MYCBP2: variants seen among roughly 807,000 people sequenced by gnomAD.
MYCBP2 encodes E3 ubiquitin-protein ligase MYCBP2.
Under a neutral mutation model 525.3 loss-of-function variants are expected in MYCBP2, and 120 were observed. That is an observed-to-expected ratio of 0.23 (90% CI 0.20 to 0.27). MYCBP2 has a LOEUF of 0.27. MYCBP2 is among the 10% of genes least tolerant of loss of function. MYCBP2 has a pLI of 1.00. For missense variants in MYCBP2, 4,149 were observed against 5,657.1 expected, an observed-to-expected ratio of 0.73 and a Z score of 8.55; for synonymous variants, 1,894 against 1,955.8, an observed-to-expected ratio of 0.97 and a Z score of 0.83.
chr13:77,130,103 A>G (rs2052483977), intron 52 of MYCBP2, among the ~76,000 whole-genome samples: 1 of 151,774 alleles, frequency 6.6e-6, no homozygotes, highest in Non-Finnish European at 1.5e-5. Context: ...ATCAATCTAT[A>G]TTTATCTGAT....
chr13:77,194,816 A>T (rs900352951), intron 26 of MYCBP2, among the ~76,000 whole-genome samples: 1 of 152,180 alleles, frequency 6.6e-6, no homozygotes, highest in African/African-American at 2.4e-5. Context: ...GCAACATAAG[A>T]ATCCTTAAAA....
rs571879558 is a variant in MYCBP2 at position 77,222,709 on chromosome 13, AT to A, written c.2939+1741del. ...GCTGGATGTAGAATCCACATATGAT[AT>A]TTTTTCAAATTCCCTAAGTAATTCT... On this transcript the variant is annotated intron_variant, in intron 20 of 82. Coordinates refer to ENST00000544440, the MANE Select transcript of MYCBP2 (RefSeq NM_015057.5). 8.2e-3 allele frequency among the ~76,000 whole-genome samples: 1,252 copies of A among 152,180 alleles called. 21 individuals are homozygous for A. Among genetic ancestry groups the A allele is most frequent in the African/African-American group, 0.029 (1,197 of 41,490 alleles).
At chr13:77,067,023 T>C (rs2040324731) in intron 71 of MYCBP2, among the ~76,000 whole-genome samples, 1 of 152,186 alleles carries the variant, frequency 6.6e-6, no homozygotes, top group African/African-American at 2.4e-5. Flanking sequence ...TTCTAAGTTA[T>C]TTCCCTATAT....
At chr13:77,312,650 A>T (rs1354891331) in intron 1 of MYCBP2, among the ~76,000 whole-genome samples, 1 of 152,054 alleles carries the variant, frequency 6.6e-6, no homozygotes, top group East Asian at 1.9e-4. Context: ...ATAATCCCAA[A>T]ATATAATCCC....
At chr13:77,076,346 C>T (rs923550326) in intron 68 of MYCBP2, 10 of 155,794 alleles carry the variant, frequency 6.4e-5, no homozygotes, top group African/African-American at 1.9e-4. Flanking sequence ...TGAACTCCAG[C>T]AGAGAGAAAA....
At chr13:77,099,268 T>C (rs758586139) in intron 55 of MYCBP2, 2 of 472,202 alleles carry the variant, frequency 4.2e-6, no homozygotes, top group African/African-American at 2.0e-5. Context: ...CAGTGTGAAC[T>C]ATCAGTGATA....
chr13:77,162,148 T>TA (rs1276732472), intron 43 of MYCBP2, among the ~76,000 whole-genome samples, 193 bp from the exon 44 acceptor site: 23 of 152,220 alleles, frequency 1.5e-4, no homozygotes, highest in Non-Finnish European at 3.2e-4. Flanking sequence ...GGGAATATAC[T>TA]ACAATTCTCA....
At chr13:77,192,163 T>C (rs1484123538) in intron 27 of MYCBP2, among the ~76,000 whole-genome samples, 2 of 152,248 alleles carry the variant, frequency 1.3e-5, no homozygotes, top group African/African-American at 4.8e-5. Context: ...AGCTCATTCA[T>C]TCAGCTAAAT....
chr13:77,190,196 A>T, intron 29 of MYCBP2, 56 bp downstream of exon 29: 1 of 1,149,974 alleles, frequency 8.7e-7, no homozygotes, highest in Non-Finnish European at 1.3e-6. Context: ...TAATGATTCT[A>T]CTTCATTATA....
chr13:77,235,427 T>A (rs776549045), intron 17 of MYCBP2, among the ~76,000 whole-genome samples: 1 of 152,098 alleles, frequency 6.6e-6, no homozygotes, highest in African/African-American at 2.4e-5. Flanking sequence ...TTAAACAATA[T>A]TGTATAGTCA....
At chr13:77,057,394 C>G (rs964046068) in intron 78 of MYCBP2, among the ~76,000 whole-genome samples, 1 of 152,020 alleles carries the variant, frequency 6.6e-6, no homozygotes, top group Non-Finnish European at 1.5e-5. Context: ...TTTTGTATCT[C>G]ACAGAAAGAA....
chr13:77,117,642 G>A lies in MYCBP2; in HGVS notation c.8140+3731C>T, dbSNP rs375535435. ...ATAAACTAGCTCATTCAATTAATGT[G>A]TTTATATATTGTATAGCCAACATGA... On this transcript the variant is annotated intron_variant, in intron 55 of 82. Coordinates refer to ENST00000544440, the MANE Select transcript of MYCBP2 (RefSeq NM_015057.5). 2.6e-4 allele frequency among the ~76,000 whole-genome samples: 39 copies of A among 152,208 alleles called. No individual in the cohort carries two copies. The East Asian group carries it at 5.6e-3, about 22-fold the overall frequency.
intron 1 of MYCBP2, among the ~76,000 whole-genome samples, chr13:77,316,535 G>A (rs996990851): frequency 2.6e-5 from 4 of 152,134 alleles, no homozygotes; most frequent in Admixed American, 1.3e-4. Context: ...ACTATATTTC[G>A]CCTATTATAC....
intron 3 of MYCBP2, among the ~76,000 whole-genome samples, chr13:77,285,804 GA>G (rs2154356518): frequency 6.6e-6 from 1 of 150,794 alleles, no homozygotes; most frequent in South Asian, 2.1e-4. Flanking sequence ...AAAGGAAAGG[GA>G]AAGGCAAAGG....
chr13:77,168,095 AG>A (rs2058731814), intron 40 of MYCBP2, among the ~76,000 whole-genome samples: 1 of 152,196 alleles, frequency 6.6e-6, no homozygotes, highest in African/African-American at 2.4e-5. Flanking sequence ...AAATAATGTT[AG>A]TTCAAAAAAT....
chr13:77,088,728 T>C (rs2044819939), intron 61 of MYCBP2, 104 bp downstream of exon 61: 2 of 1,018,168 alleles, frequency 2.0e-6, no homozygotes, highest in Middle Eastern at 3.2e-4. Context: ...TAATGCCTTT[T>C]AATTTCACAC....
chr13:77,149,658 ACCTCAT>A (rs1205824718), intron 47 of MYCBP2, among the ~76,000 whole-genome samples: 1 of 152,154 alleles, frequency 6.6e-6, no homozygotes, highest in Non-Finnish European at 1.5e-5. Flanking sequence ...TCTAAAACTC[ACCTCAT>A]CCAAAACTGA....
intron 40 of MYCBP2, among the ~76,000 whole-genome samples, chr13:77,167,699 C>A (rs1235175396): frequency 6.6e-6 from 1 of 152,030 alleles, no homozygotes; most frequent in Non-Finnish European, 1.5e-5. Flanking sequence ...GACATTGTAT[C>A]AATAAATATC....
intron 52 of MYCBP2, 67 bp downstream of exon 52, chr13:77,139,129 T>C: frequency 1.3e-6 from 2 of 1,522,720 alleles, no homozygotes; most frequent in African/African-American, 1.4e-5. Flanking sequence ...AAAGCCTTAA[T>C]TAAAGAAAGC....
Sources: gnomAD v4.1 joint callset for allele counts (sites outside exome capture counted in the v4.1 genomes callset) on GRCh38, gnomAD v4.1.1 for gene constraint, MANE v1.5 for transcripts, NCBI Gene and HGNC (gene_info 2026-07-23, HGNC 2026-07-21) for gene names.